The following PCDHAC1 variants were observed in gnomAD, a reference collection of about 807,000 sequenced individuals.
PCDHAC1 encodes the protein protocadherin alpha-C1.
A neutral mutation model predicts 60.0 loss-of-function variants in PCDHAC1; 42 were observed. The observed-to-expected ratio is 0.70, with a 90% CI of 0.55 to 0.90. The LOEUF is 0.90. PCDHAC1 is among the 40% of genes least tolerant of loss of function. The pLI is 0.00. For synonymous variants in PCDHAC1, 468 were observed against 499.3 expected (o/e 0.94, Z 0.84); for missense variants, 1,160 against 1,222.3 (o/e 0.95, Z 0.76).
intron 1 of PCDHAC1, chr5:140,930,231 A>C (rs1234850185): frequency 6.6e-6 from 1 of 152,238 alleles, no homozygotes; most frequent in South Asian, 2.1e-4. Context: ...TGCACTTACC[A>C]TCCAAAGTCC....
intron 1 of PCDHAC1, among the ~76,000 whole-genome samples, chr5:140,946,184 C>T (rs2093899107): frequency 6.6e-6 from 1 of 151,990 alleles, no homozygotes; most frequent in African/African-American, 2.4e-5. Context: ...TGTGAATAGA[C>T]ATTTCTCAAA....
chr5:140,972,072 T>C (rs1380413898), intron 1 of PCDHAC1, among the ~76,000 whole-genome samples: 1 of 152,212 alleles, frequency 6.6e-6, no homozygotes, highest in Non-Finnish European at 1.5e-5. Flanking sequence ...ATTAACTGCT[T>C]TTGGAAAAAG....
At chr5:140,929,424 A>G in intron 1 of PCDHAC1, 99 bp downstream of exon 1, 1 of 1,496,380 alleles carries the variant, frequency 6.7e-7, no homozygotes, top group East Asian at 2.3e-5. Flanking sequence ...ACATTTCATC[A>G]ATTGAACTAA....
intron 3 of PCDHAC1, among the ~76,000 whole-genome samples, chr5:140,983,854 T>A (rs1554245766): frequency 6.6e-6 from 1 of 152,206 alleles, no homozygotes; most frequent in Non-Finnish European, 1.5e-5. Flanking sequence ...TTAAGTAACA[T>A]GCAGCTAAGG....
At chr5:141,009,529 T>C in intron 3 of PCDHAC1, 98 bp from the exon 4 acceptor site, 2 of 1,505,630 alleles carry the variant, frequency 1.3e-6, no homozygotes, top group Non-Finnish European at 1.8e-6. Context: ...TCTGGGGAGG[T>C]TCAGCCTGCC....
intron 3 of PCDHAC1, among the ~76,000 whole-genome samples, chr5:140,998,480 G>A (rs782244125): frequency 6.6e-6 from 1 of 151,974 alleles, no homozygotes; most frequent in Non-Finnish European, 1.5e-5. Context: ...CCACTGTGCT[G>A]TAACTCTTTG....
chr5:140,946,806 T>A (rs965284033), intron 1 of PCDHAC1, among the ~76,000 whole-genome samples: 20 of 151,184 alleles, frequency 1.3e-4, no homozygotes, highest in African/African-American at 4.6e-4. Context: ...GCAGAGAGTA[T>A]AACAGTGATT....
chr5:140,932,712 A>G (rs1025750078), intron 1 of PCDHAC1, among the ~76,000 whole-genome samples: 4 of 151,972 alleles, frequency 2.6e-5, no homozygotes, highest in African/African-American at 9.6e-5. Context: ...AGACAACACA[A>G]TAATATTGTA....
At chr5:141,001,974 C>T (rs1375819013) in intron 3 of PCDHAC1, among the ~76,000 whole-genome samples, 1 of 152,136 alleles carries the variant, frequency 6.6e-6, no homozygotes, top group African/African-American at 2.4e-5. Flanking sequence ...TGTCTCTGCG[C>T]GGAAAGCCTG....
intron 1 of PCDHAC1, chr5:140,967,338 A>G: frequency 3.7e-6 from 6 of 1,607,948 alleles, no homozygotes; most frequent in Non-Finnish European, 4.3e-6. Flanking sequence ...AGCCCCAGCG[A>G]GCACTTCGAG....
intron 1 of PCDHAC1, among the ~76,000 whole-genome samples, chr5:140,946,631 T>TATACATACAC (rs57893927): frequency 7.6e-6 from 1 of 131,846 alleles, no homozygotes; most frequent in Non-Finnish European, 1.5e-5. Context: ...TATATATATA[T>TATACATACAC]ACAATGGAAT....
Position 140,928,466 on chromosome 5 carries a change from T to C in PCDHAC1, c.1574T>C (p.Val525Ala). Residue 525 changes from valine to alanine, a missense_variant, in exon 1 of 4, where the codon GTA becomes GCA. Around this residue, in one of 3 missense-constraint regions of PCDHAC1, gnomAD observed 1,113 missense variants for 1,163.7 expected, o/e 0.96. Transcript: ENST00000253807. The stretch of plus-strand genomic sequence containing the variant: ...CAGCTCAGGGGGTTTCATTTCCAAG[T>C]AGAAGGCCGGGATGGTGGCATTCCT... ...FEQLRGFHFQ[V>A]EGRDGGIPPR... 8.1e-6 allele frequency: 13 copies of C among 1,614,140 alleles called. No homozygotes were observed. Among genetic ancestry groups the C allele is most frequent in the Non-Finnish European group, 1.1e-5 (13 of 1,180,016 alleles).
intron 3 of PCDHAC1, among the ~76,000 whole-genome samples, chr5:141,006,559 T>C (rs2098278096): frequency 6.6e-6 from 1 of 152,134 alleles, no homozygotes; most frequent in East Asian, 1.9e-4. Flanking sequence ...TAAAGATGAC[T>C]CTGGCTACTG....
At chr5:140,964,961 G>A (rs552220130) in intron 1 of PCDHAC1, among the ~76,000 whole-genome samples, 1 of 152,320 alleles carries the variant, frequency 6.6e-6, no homozygotes, top group Non-Finnish European at 1.5e-5. Context: ...TTGGTTGGTG[G>A]AACGAAGGGA....
intron 1 of PCDHAC1, chr5:140,967,045 C>T: frequency 6.2e-7 from 1 of 1,612,250 alleles, no homozygotes. Flanking sequence ...TGGAGCTGGA[C>T]CTGACGAGTG....
chr5:140,979,972 C>T (rs1393315984), intron 2 of PCDHAC1, among the ~76,000 whole-genome samples: 1 of 152,176 alleles, frequency 6.6e-6, no homozygotes, highest in East Asian at 1.9e-4. Context: ...CATTAAAATG[C>T]ATTAGATTGA....
At chr5:140,949,634 G>A (rs1172841481) in intron 1 of PCDHAC1, among the ~76,000 whole-genome samples, 3 of 151,562 alleles carry the variant, frequency 2.0e-5, no homozygotes, top group East Asian at 1.9e-4. Flanking sequence ...ATGGCATATT[G>A]CTTTTTGTTC....
At position 140,926,813 on chromosome 5, in the gene PCDHAC1, T is replaced by C; in HGVS notation, c.-80T>C. On this transcript the variant is annotated 5_prime_UTR_variant, in exon 1 of 4. Coordinates refer to ENST00000253807, the MANE Select transcript of PCDHAC1 (RefSeq NM_018898.5). ...GGAGCGTGCTCTTCCCCGCGGCTCG[T>C]GCTCTCCAGGAGTCCGGAGCATGGT... 1 of 1,463,920 alleles carries C rather than the reference T, an allele frequency of 6.8e-7. No individual in the cohort carries two copies. The highest frequency in any genetic ancestry group is 2.5e-5 in the East Asian group (1 of 40,780). The allele number at this position is 1,463,920 out of a possible 1,614,324, so 90.7% of individuals were successfully genotyped here. A position where few individuals can be genotyped will look rare whatever the true frequency, so the allele number is the denominator to read the frequency against.
chr5:140,928,861 A>C lies in PCDHAC1; in HGVS notation c.1969A>C (p.Ser657Arg), dbSNP rs781787998. 3 of 1,614,164 alleles carry C rather than the reference A, an allele frequency of 1.9e-6. No homozygotes were observed. Among genetic ancestry groups the C allele is most frequent in the Non-Finnish European group, 2.5e-6 (3 of 1,180,044 alleles). ...CTCTGTCACTCTGGGTGTGCTGTTG[A>C]GCAACTCTGTCCCTCAGTTACTTCC... Reference protein sequence around the residue: ...SSSVTLGVLLSNSVPQLLPDF... With the variant: ...SSSVTLGVLLRNSVPQLLPDF... The change falls in exon 1 of 4, where the codon AGC becomes CGC. Residue 657 changes from serine (S) to arginine (R), a missense_variant. Ser to Arg is a moderately radical substitution (Grantham distance 110). Coordinates refer to ENST00000253807, the MANE Select transcript of PCDHAC1 (RefSeq NM_018898.5).
Sources: allele counts gnomAD v4.1 joint callset (sites outside exome capture counted in the v4.1 genomes callset), GRCh38; gene constraint gnomAD v4.1.1; regional missense constraint gnomAD v4.1.1; transcripts MANE v1.5; gene names NCBI Gene and HGNC (gene_info 2026-07-23, HGNC 2026-07-21).